The following RAB31 variants were observed in gnomAD, a reference collection of about 807,000 sequenced individuals.
RAB31 encodes the protein RAB31, member RAS oncogene family.
RAB31 carries 21 observed loss-of-function variants against 25.6 expected under a neutral mutation model. The observed-to-expected ratio is 0.82, with a 90% confidence interval of 0.58 to 1.18. The LOEUF is 1.18. RAB31 is among the 50% of genes most tolerant of loss of function. The pLI, the probability that RAB31 is intolerant of heterozygous loss-of-function variation, is 0.00. For missense variants in RAB31, 196 were observed against 250.1 expected (o/e 0.78, Z 1.46); for synonymous variants, 87 against 84.0 (o/e 1.04, Z -0.20).
chr18:9,828,161 CAAG>C (rs1184372788), intron 5 of RAB31, among the ~76,000 whole-genome samples: 1 of 152,138 alleles, frequency 6.6e-6, no homozygotes, highest in Non-Finnish European at 1.5e-5. Context: ...GAGGGGCCGT[CAAG>C]AATATCTACC....
intron 1 of RAB31, among the ~76,000 whole-genome samples, chr18:9,743,329 A>G (rs17431841): frequency 0.11 from 16,844 of 152,316 alleles, 1,182 homozygotes; most frequent in Middle Eastern, 0.17. Context: ...GAAAATAAAC[A>G]GATAGTGTAA....
At chr18:9,781,439 C>T (rs1427968579) in intron 2 of RAB31, among the ~76,000 whole-genome samples, 2 of 152,160 alleles carry the variant, frequency 1.3e-5, no homozygotes, top group East Asian at 3.9e-4. Flanking sequence ...GCCTCAGCCT[C>T]CCAAGTAGCT....
intron 1 of RAB31, among the ~76,000 whole-genome samples, chr18:9,727,744 A>G (rs1473639395): frequency 6.6e-6 from 1 of 152,316 alleles, no homozygotes; most frequent in East Asian, 1.9e-4. Context: ...TATGAAGAAA[A>G]TCTTTGCTAA....
intron 5 of RAB31, among the ~76,000 whole-genome samples, chr18:9,834,724 G>C (rs189573772): frequency 6.6e-6 from 1 of 152,278 alleles, no homozygotes; most frequent in Admixed American, 6.5e-5. Flanking sequence ...TTGGCGGTGG[G>C]GGAAGGATGC....
At chr18:9,731,012 A>G (rs1427778509) in intron 1 of RAB31, among the ~76,000 whole-genome samples, 1 of 152,196 alleles carries the variant, frequency 6.6e-6, no homozygotes, top group East Asian at 1.9e-4. Flanking sequence ...ACTACATGCT[A>G]AGTCAGAACC....
At chr18:9,823,673 T>C (rs1396424398) in intron 5 of RAB31, among the ~76,000 whole-genome samples, 1 of 152,188 alleles carries the variant, frequency 6.6e-6, no homozygotes, top group Non-Finnish European at 1.5e-5. Context: ...GTGATACATA[T>C]GCATTATATA....
At chr18:9,780,561 T>C (rs1403951823) in intron 2 of RAB31, among the ~76,000 whole-genome samples, 5 of 152,268 alleles carry the variant, frequency 3.3e-5, no homozygotes, top group Non-Finnish European at 7.3e-5. Context: ...TTAAATAGTC[T>C]TTAAAAACAA....
At chr18:9,763,399 T>TAAAAAAAAAA (rs1221815810) in intron 1 of RAB31, among the ~76,000 whole-genome samples, 1 of 151,764 alleles carries the variant, frequency 6.6e-6, no homozygotes, top group African/African-American at 2.4e-5. Context: ...TTCAAGGAAA[T>TAAAAAAAAAA]AAAAATCAAG....
rs1599051039 is a variant in RAB31, at chr18:9,814,856, A to G, written c.274-260A>G. 3 of 289,352 alleles carry G rather than the reference A, an allele frequency of 1.0e-5. No homozygotes were observed. In the East Asian group the frequency reaches 2.5e-4, roughly 24 times the overall value. 17.9% of individuals were successfully genotyped at this position (289,352 alleles called of 1,614,324 possible). A position where few individuals can be genotyped will look rare whatever the true frequency, so the allele number is the denominator to read the frequency against. ...GGAGTCCAGGCTATCATTTTAAATT[A>G]ATGTTATTTATAGGAGAAAAATCAC... is the stretch of plus-strand genomic sequence containing the variant. On this transcript the variant is annotated intron_variant, in intron 4 of 6. Transcript: ENST00000578921.
At chr18:9,742,888 CCTT>C (rs1046005306) in intron 1 of RAB31, among the ~76,000 whole-genome samples, 159 of 152,202 alleles carry the variant, frequency 1.0e-3, no homozygotes, top group Non-Finnish European at 1.7e-3. Context: ...TTCTTCTTTT[CCTT>C]CTTCTTCTTT....
chr18:9,822,499 G>A (rs947385365), intron 5 of RAB31, among the ~76,000 whole-genome samples: 3 of 152,142 alleles, frequency 2.0e-5, no homozygotes, highest in South Asian at 2.1e-4. Context: ...TATTTGCTCT[G>A]TGAAATATTG....
chr18:9,771,224 TGAGAGCCTTAA>T (rs1411628551), intron 1 of RAB31, among the ~76,000 whole-genome samples: 5 of 152,126 alleles, frequency 3.3e-5, no homozygotes, highest in African/African-American at 1.2e-4. Context: ...TTTAACCTAG[TGAGAGCCTTAA>T]GAGGTTTTGA....
chr18:9,836,592 A>G (rs2299837), intron 5 of RAB31, among the ~76,000 whole-genome samples: 27,349 of 152,152 alleles, frequency 0.18, 2,994 homozygotes, highest in East Asian at 0.57. Context: ...AGGCTTGAGA[A>G]CTGCTGGGAA....
rs2067997982 is a variant in RAB31 at position 9,708,520 on chromosome 18, G to A, written c.39+76G>A. The A allele has an allele frequency of 7.6e-7, 1 of 1,315,122 alleles. No homozygotes were observed. Among genetic ancestry groups the A allele is most frequent in the Non-Finnish European group, 1.0e-6 (1 of 975,250 alleles). 81.5% of individuals were successfully genotyped at this position (1,315,122 alleles called of 1,614,324 possible). ...CCCTTCGCTCCCCTATTCCCTGCGC[G>A]CTCAGTCCCCGTGATCCCCTCGCTC... On this transcript the variant is annotated intron_variant, in intron 1 of 6. Coordinates refer to ENST00000578921, the MANE Select transcript of RAB31 (RefSeq NM_006868.4). The surrounding 1 kb of genome is among the most constrained non-coding windows in gnomAD (Gnocchi z 6.4).
At position 9,815,206 on chromosome 18, in the gene RAB31, G is replaced by T; in HGVS notation, c.364G>T (p.Asp122Tyr). ...IVMAIAGNKCDLSDIREVPLK... is the reference protein window; with the variant it reads ...IVMAIAGNKCYLSDIREVPLK... Reference sequence around the variant, plus strand: ...AATGGCCATCGCTGGAAACAAGTGCGACCTCTCAGATATTAGGTAAGATGC... The same window carrying T: ...AATGGCCATCGCTGGAAACAAGTGCTACCTCTCAGATATTAGGTAAGATGC... The change falls in exon 5 of 7, where the codon GAC (aspartate) becomes TAC (tyrosine). Residue 122 changes from aspartate to tyrosine, a missense_variant. Asp to Tyr is a radical substitution (Grantham distance 160). Transcript: ENST00000578921. 2 of 1,549,040 alleles carry T rather than the reference G, an allele frequency of 1.3e-6. No individual in the cohort carries two copies. Among genetic ancestry groups the T allele is most frequent in the Non-Finnish European group, 1.8e-6 (2 of 1,142,750 alleles).
chr18:9,745,079 A>G (rs796147708), intron 1 of RAB31, among the ~76,000 whole-genome samples: 1 of 152,306 alleles, frequency 6.6e-6, no homozygotes, highest in East Asian at 1.9e-4. Flanking sequence ...TAAGAAAAAA[A>G]GAGAAAAGAA....
At chr18:9,853,206 A>G (rs1599068307) in intron 6 of RAB31, among the ~76,000 whole-genome samples, 1 of 152,054 alleles carries the variant, frequency 6.6e-6, no homozygotes, top group African/African-American at 2.4e-5. Context: ...TGTTGTTTGG[A>G]GAAAAGAGGT....
rs1221766081 is a variant in RAB31, at chr18:9,814,028, A to C, written c.210A>C (p.Ser70=). ...WDTAGQERFH[S]LAPMYYRGSA... ...TCATTGTTCTTAAACAGTTTCATTC[A>C]TTGGCTCCCATGTACTATCGAGGCT... The change falls in exon 4 of 7, where the codon TCA becomes TCC. Residue 70 remains serine, a synonymous_variant. Coordinates refer to ENST00000578921, the MANE Select transcript of RAB31 (RefSeq NM_006868.4). The C allele has an allele frequency of 1.3e-6, 2 of 1,587,080 alleles. No individual in the cohort carries two copies. The highest frequency in any genetic ancestry group is 2.2e-5 in the East Asian group (1 of 44,492).
intron 2 of RAB31, chr18:9,786,797 G>A (rs16955592): frequency 0.06 from 9,077 of 152,258 alleles, 385 homozygotes; most frequent in Admixed American, 0.11. Context: ...TGCAATCAAG[G>A]AATTATCTGC....
Sources: gnomAD v4.1 joint callset for allele counts (sites outside exome capture counted in the v4.1 genomes callset) on GRCh38, gnomAD v4.1.1 for gene constraint, Gnocchi (gnomAD v3.1) non-coding constraint, MANE v1.5 for transcripts, NCBI Gene and HGNC (gene_info 2026-07-23, HGNC 2026-07-21) for gene names.